The following NANOGNB variants were observed in gnomAD, a reference collection of about 807,000 sequenced individuals.
NANOGNB encodes the protein homeobox C14.
NANOGNB carries 30 observed loss-of-function variants against 25.0 expected under a neutral mutation model. The ratio of observed to expected loss-of-function variants is 1.20; its 90% CI spans 0.90 to 1.63. NANOGNB has a LOEUF of 1.63. Ranked by LOEUF, NANOGNB falls within the 40% of genes most tolerant of loss-of-function variation. The probability of loss-of-function intolerance (pLI) is 0.00; values close to 1 mark genes in which losing one functional copy is unlikely to be tolerated. For synonymous variants in NANOGNB, 84 were observed against 62.1 expected (o/e 1.35, Z -1.66); for missense variants, 200 against 188.1 (o/e 1.06, Z -0.37).
At position 7,770,102 on chromosome 12, in the gene NANOGNB, A is replaced by G; in HGVS notation, c.222A>G (p.Glu74=). ...AAGGAGAAGCAGGCAGAAAGAGAGA[A>G]CGAGAAAAAGAAGAAAAAAACGAAA... is the stretch of plus-strand genomic sequence containing the variant. ...REEGEAGRKR[E]REKEEKNEKE... Residue 74 remains glutamate, a synonymous_variant, in exon 2 of 4, where the codon GAA becomes GAG. Transcript: ENST00000382119. The G allele has an allele frequency of 6.5e-7, 1 of 1,542,622 alleles. No individual in the cohort carries two copies. Among genetic ancestry groups the G allele is most frequent in the Non-Finnish European group, 8.8e-7 (1 of 1,139,700 alleles).
At position 7,773,780 on chromosome 12, in the gene NANOGNB, T is replaced by C; in HGVS notation, c.516-20T>C. 1.6e-6 allele frequency: 1 copy of C among 639,102 alleles called. No homozygotes were observed. Among genetic ancestry groups the C allele is most frequent in the Non-Finnish European group, 2.7e-6 (1 of 363,862 alleles). The allele number at this position is 639,102 out of a possible 1,614,324, so 39.6% of individuals were successfully genotyped here. ...AGACTGTGTTGCGAAACTCTTTTTT[T>C]TTTTTTTTTTTTTAAACAGATGGAG... On this transcript the variant is annotated intron_variant, in intron 3 of 3. Coordinates refer to ENST00000382119, the MANE Select transcript of NANOGNB (RefSeq NM_001145465.1).
Position 7,773,927 on chromosome 12 carries a change from C to G in NANOGNB, c.*76C>G. On this transcript the variant is annotated 3_prime_UTR_variant, in exon 4 of 4. Transcript: ENST00000382119. Reference sequence around the variant, plus strand: ...GCACTGGCTAAGACATTTTACATGACACCATTCTCACCAATAAATGGAGTT... The same window carrying G: ...GCACTGGCTAAGACATTTTACATGAGACCATTCTCACCAATAAATGGAGTT... The G allele has an allele frequency of 1.8e-6, 1 of 551,680 alleles. No homozygotes were observed. Among genetic ancestry groups the G allele is most frequent in the South Asian group, 2.4e-5 (1 of 41,994 alleles). 34.2% of individuals were successfully genotyped at this position (551,680 alleles called of 1,614,324 possible).
At chr12:7,767,182 G>A (rs1865253433) in intron 1 of NANOGNB, among the ~76,000 whole-genome samples, 1 of 152,078 alleles carries the variant, frequency 6.6e-6, no homozygotes, top group African/African-American at 2.4e-5. Flanking sequence ...ATTAATGTCT[G>A]ACTCTGAAGA....
chr12:7,773,120 GTT>G (rs5796288), intron 3 of NANOGNB, among the ~76,000 whole-genome samples: 1 of 132,592 alleles, frequency 7.5e-6, no homozygotes. Context: ...AACTGTGATA[GTT>G]TTTTTTTTTT....
At chr12:7,769,440 A>G (rs751157883) in intron 1 of NANOGNB, among the ~76,000 whole-genome samples, 1 of 152,020 alleles carries the variant, frequency 6.6e-6, no homozygotes, top group Non-Finnish European at 1.5e-5. Context: ...TTCCTGCCTC[A>G]GCCTCCCAAG....
intron 3 of NANOGNB, among the ~76,000 whole-genome samples, chr12:7,773,546 C>CAAAAAA (rs869038102): frequency 0.018 from 277 of 15,454 alleles, 67 homozygotes; most frequent in East Asian, 0.038. Flanking sequence ...ACTAAAAATA[C>CAAAAAA]AAAAAAAAAA....
chr12:7,770,907 C>T (rs1218514690), intron 3 of NANOGNB, among the ~76,000 whole-genome samples: 2 of 152,124 alleles, frequency 1.3e-5, no homozygotes, highest in African/African-American at 4.8e-5. Context: ...CCACCACACC[C>T]GGTGCCCATA....
At chr12:7,767,714 T>A (rs1005219978) in intron 1 of NANOGNB, among the ~76,000 whole-genome samples, 5 of 152,082 alleles carry the variant, frequency 3.3e-5, no homozygotes, top group African/African-American at 1.2e-4. Flanking sequence ...AATATATGAC[T>A]TTTTGTATTT....
intron 3 of NANOGNB, among the ~76,000 whole-genome samples, chr12:7,770,753 C>T (rs1865285848): frequency 6.6e-6 from 1 of 152,138 alleles, no homozygotes; most frequent in Non-Finnish European, 1.5e-5. Flanking sequence ...GCTGGGATTA[C>T]AGGCATGCGC....
chr12:7,771,126 A>T lies in NANOGNB; in HGVS notation c.515+608A>T, dbSNP rs117287042. On this transcript the variant is annotated intron_variant, in intron 3 of 3. Transcript: ENST00000382119. ...GTCCTGTTTGTTCCTTTGATGCTAA[A>T]TATATCTGATGATTGTTGTTCCTCT... Among the ~76,000 whole-genome samples, 1,353 of 152,314 alleles carry T rather than the reference A, an allele frequency of 8.9e-3. 92 individuals carry two copies. In the East Asian group the frequency reaches 0.17, roughly 19 times the overall value.
intron 3 of NANOGNB, among the ~76,000 whole-genome samples, chr12:7,772,296 TC>T (rs1232227859): frequency 6.6e-6 from 1 of 151,754 alleles, no homozygotes; most frequent in African/African-American, 2.4e-5. Flanking sequence ...TCTTTTTTTT[TC>T]GAGACAGTCT....
intron 3 of NANOGNB, 62 bp downstream of exon 3, chr12:7,770,580 G>T: frequency 9.0e-7 from 1 of 1,108,694 alleles, no homozygotes; most frequent in South Asian, 1.6e-5. Flanking sequence ...TTCCGGAGTT[G>T]GTTTGTGTTT....
At chr12:7,766,630 A>G (rs1336226132) in intron 1 of NANOGNB, among the ~76,000 whole-genome samples, 2 of 152,138 alleles carry the variant, frequency 1.3e-5, no homozygotes, top group Non-Finnish European at 2.9e-5. Context: ...CCCAGGCTGG[A>G]GTGGCACAAT....
intron 3 of NANOGNB, among the ~76,000 whole-genome samples, chr12:7,772,059 C>G (rs891857229): frequency 6.6e-6 from 1 of 152,134 alleles, no homozygotes; most frequent in African/African-American, 2.4e-5. Context: ...TGCCAACCGA[C>G]AAGAATAGAA....
chr12:7,773,579 A>G (rs1862607538), intron 3 of NANOGNB, among the ~76,000 whole-genome samples: 1 of 117,544 alleles, frequency 8.5e-6, no homozygotes, highest in Non-Finnish European at 1.8e-5. Context: ...AAAAAAAAAA[A>G]GCCAGGCTTG....
Position 7,772,532 on chromosome 12 carries a change from C to T in NANOGNB, c.516-1268C>T, listed in dbSNP as rs1234607696. On this transcript the variant is annotated intron_variant, in intron 3 of 3. Coordinates refer to ENST00000382119, the MANE Select transcript of NANOGNB (RefSeq NM_001145465.1). ...GACCTCTTGGTCTGCCCACCTCAGC[C>T]TCCCAAAGTGCTGAGATTACAGGCG... Among the ~76,000 whole-genome samples the T allele has an allele frequency of 4.0e-5, 6 of 151,500 alleles. No individual in the cohort carries two copies. The East Asian group carries it at 5.8e-4, about 15-fold the overall frequency.
rs1351932922 is a variant in NANOGNB, at chr12:7,773,127, T to TC, written c.516-673_516-672insC. On this transcript the variant is annotated intron_variant, in intron 3 of 3. Coordinates refer to ENST00000382119, the MANE Select transcript of NANOGNB (RefSeq NM_001145465.1). ...TAAAATCCAACTGTGATAGTTTTTT[T>TC]TTTTTTTTTTCAAAGATGGGGGTCT... Among the ~76,000 whole-genome samples the TC allele has an allele frequency of 2.0e-5, 3 of 150,642 alleles. No individual in the cohort carries two copies. The East Asian group carries it at 5.9e-4, about 29-fold the overall frequency.
intron 3 of NANOGNB, 102 bp downstream of exon 3, chr12:7,770,620 T>TC: frequency 1.4e-6 from 1 of 708,624 alleles, no homozygotes. Context: ...CCATAAACTT[T>TC]TTTTTTTTTG....
At chr12:7,771,332 T>C (rs2120519604) in intron 3 of NANOGNB, among the ~76,000 whole-genome samples, 1 of 152,162 alleles carries the variant, frequency 6.6e-6, no homozygotes, top group South Asian at 2.1e-4. Flanking sequence ...ACCATTCTCC[T>C]GCCTCAGCCT....
Sources: gnomAD v4.1 joint callset for allele counts (sites outside exome capture counted in the v4.1 genomes callset) on GRCh38, gnomAD v4.1.1 for gene constraint, MANE v1.5 for transcripts, NCBI Gene and HGNC (gene_info 2026-07-23, HGNC 2026-07-21) for gene names.